The following ST6GALNAC3 variants were observed in gnomAD, a reference collection of about 807,000 sequenced individuals.
ST6GALNAC3 encodes the protein ST6 N-acetylgalactosaminide alpha-2,6-sialyltransferase 3, also known as alpha-N-acetylgalactosaminide alpha-2,6-sialyltransferase 3.
A neutral mutation model predicts 32.7 loss-of-function variants in ST6GALNAC3; 25 were observed. That is an observed-to-expected ratio of 0.76 (90% CI 0.56 to 1.07). ST6GALNAC3 has a LOEUF of 1.07. Ranked by LOEUF, ST6GALNAC3 falls within the 50% of genes least tolerant of loss-of-function variation. The pLI, the probability that ST6GALNAC3 is intolerant of heterozygous loss-of-function variation, is 0.00. For missense variants in ST6GALNAC3, 355 were observed against 382.4 expected (o/e 0.93, Z 0.60); for synonymous variants, 129 against 133.1 (o/e 0.97, Z 0.21).
chr1:76,434,448 C>T (rs1655989284), intron 3 of ST6GALNAC3, among the ~76,000 whole-genome samples: 1 of 152,068 alleles, frequency 6.6e-6, no homozygotes, highest in Admixed American at 6.6e-5. Flanking sequence ...TTTATTTGTG[C>T]TAAAAGCATT....
At chr1:76,626,530 CT>C (rs1648978809) in intron 3 of ST6GALNAC3, among the ~76,000 whole-genome samples, 2 of 151,914 alleles carry the variant, frequency 1.3e-5, no homozygotes. Context: ...ACATCACCAC[CT>C]TCCCCTTCAG....
chr1:76,598,666 C>T (rs1181139044), intron 3 of ST6GALNAC3, among the ~76,000 whole-genome samples: 3 of 151,898 alleles, frequency 2.0e-5, no homozygotes, highest in Non-Finnish European at 4.4e-5. Flanking sequence ...CTTCTATATT[C>T]GTGATTCAGA....
chr1:76,191,073 C>T (rs1398659710), intron 1 of ST6GALNAC3, among the ~76,000 whole-genome samples: 1 of 152,104 alleles, frequency 6.6e-6, no homozygotes, highest in Admixed American at 6.6e-5. Context: ...TGTTTGAGAA[C>T]CACTGAATGG....
At chr1:76,478,825 C>T (rs558546761) in intron 3 of ST6GALNAC3, among the ~76,000 whole-genome samples, 10 of 136,416 alleles carry the variant, frequency 7.3e-5, no homozygotes, top group Non-Finnish European at 1.1e-4. Flanking sequence ...TGCAGTGGCT[C>T]GATCTTGGCT....
chr1:76,617,096 T>C (rs934510786), intron 3 of ST6GALNAC3, among the ~76,000 whole-genome samples: 2 of 152,242 alleles, frequency 1.3e-5, no homozygotes, highest in Non-Finnish European at 2.9e-5. Context: ...TAAATACTTG[T>C]TAAAATTTTC....
chr1:76,594,896 G>T (rs1435294228), intron 3 of ST6GALNAC3, among the ~76,000 whole-genome samples: 1 of 152,100 alleles, frequency 6.6e-6, no homozygotes, highest in Non-Finnish European at 1.5e-5. Context: ...AGATAGTGTT[G>T]CACTGTATCC....
At chr1:76,579,497 C>T (rs1347962924) in intron 3 of ST6GALNAC3, among the ~76,000 whole-genome samples, 1 of 152,026 alleles carries the variant, frequency 6.6e-6, no homozygotes, top group Non-Finnish European at 1.5e-5. Context: ...CCAGTCAATG[C>T]AATTATCTAA....
intron 1 of ST6GALNAC3, among the ~76,000 whole-genome samples, chr1:76,296,722 GAC>G (rs889598031): frequency 6.6e-6 from 1 of 152,038 alleles, no homozygotes; most frequent in Non-Finnish European, 1.5e-5. Flanking sequence ...AACCAAAACA[GAC>G]ACAGTTCCAG....
Position 76,340,309 on chromosome 1 carries a change from A to G in ST6GALNAC3, c.213+26310A>G, listed in dbSNP as rs375549017. 1.6e-4 allele frequency among the ~76,000 whole-genome samples: 24 copies of G among 152,370 alleles called. 1 individual carries two copies. The highest frequency in any genetic ancestry group is 5.5e-4 in the African/African-American group (23 of 41,606). On this transcript the variant is annotated intron_variant, in intron 2 of 4. Coordinates refer to ENST00000328299, the MANE Select transcript of ST6GALNAC3 (RefSeq NM_152996.4). The stretch of plus-strand genomic sequence containing the variant: ...GCCTAGAAATAGGAGTATTTTCCCA[A>G]CATGGAGCTGATGATTGATGATGAT...
chr1:76,370,500 C>G (rs1222899720), intron 2 of ST6GALNAC3, among the ~76,000 whole-genome samples: 1 of 152,102 alleles, frequency 6.6e-6, no homozygotes, highest in Non-Finnish European at 1.5e-5. Context: ...TCTTTCTAAC[C>G]TAAAGAAATG....
intron 2 of ST6GALNAC3, among the ~76,000 whole-genome samples, chr1:76,379,559 G>A (rs373064695): frequency 6.6e-6 from 1 of 152,266 alleles, no homozygotes; most frequent in Non-Finnish European, 1.5e-5. Flanking sequence ...ATCTCATGAC[G>A]GCTTTTGGTT....
chr1:76,482,407 T>G (rs74089961), intron 3 of ST6GALNAC3, among the ~76,000 whole-genome samples: 9,801 of 152,224 alleles, frequency 0.064, 586 homozygotes, highest in African/African-American at 0.15. Flanking sequence ...CCACAACATT[T>G]GTGGTAAGTA....
At chr1:76,194,009 T>C (rs1484069410) in intron 1 of ST6GALNAC3, among the ~76,000 whole-genome samples, 1 of 152,168 alleles carries the variant, frequency 6.6e-6, no homozygotes, top group Non-Finnish European at 1.5e-5. Flanking sequence ...AGGACTCCCA[T>C]AGATACATTT....
chr1:76,190,999 A>T (rs572290110), intron 1 of ST6GALNAC3, among the ~76,000 whole-genome samples: 1 of 152,268 alleles, frequency 6.6e-6, no homozygotes, highest in Non-Finnish European at 1.5e-5. Context: ...CTGGCCCCAC[A>T]CCATCTCACT....
chr1:76,616,990 T>C (rs1648338608), intron 3 of ST6GALNAC3, among the ~76,000 whole-genome samples: 1 of 152,208 alleles, frequency 6.6e-6, no homozygotes, highest in Admixed American at 6.5e-5. Flanking sequence ...TGGCTGAGGC[T>C]CATTTAACAA....
chr1:76,234,137 T>C (rs1221185686), intron 1 of ST6GALNAC3, among the ~76,000 whole-genome samples: 1 of 152,214 alleles, frequency 6.6e-6, no homozygotes, highest in African/African-American at 2.4e-5. Context: ...TGTGCTTTTA[T>C]CCACCTTACC....
intron 2 of ST6GALNAC3, among the ~76,000 whole-genome samples, chr1:76,329,997 C>T (rs1295195867): frequency 6.6e-6 from 1 of 151,176 alleles, no homozygotes; most frequent in African/African-American, 2.4e-5. Flanking sequence ...TCATTAGAGA[C>T]GTGATTTCAC....
chr1:76,609,315 G>C (rs188625030), intron 3 of ST6GALNAC3, among the ~76,000 whole-genome samples: 2 of 152,046 alleles, frequency 1.3e-5, no homozygotes, highest in African/African-American at 4.8e-5. Flanking sequence ...CACTTTTCTT[G>C]TTCTTGATTT....
At chr1:76,605,222 T>C (rs1169837464) in intron 3 of ST6GALNAC3, among the ~76,000 whole-genome samples, 17 of 152,148 alleles carry the variant, frequency 1.1e-4, no homozygotes, top group Admixed American at 1.1e-3. Context: ...TGATAGAAGA[T>C]GATATTTCTG....
Sources: gnomAD v4.1 joint callset for allele counts (sites outside exome capture counted in the v4.1 genomes callset) on GRCh38, gnomAD v4.1.1 for gene constraint, MANE v1.5 for transcripts, NCBI Gene and HGNC (gene_info 2026-07-23, HGNC 2026-07-21) for gene names.